The following CYREN variants were observed in gnomAD, a reference collection of about 807,000 sequenced individuals.
CYREN encodes cell cycle regulator of NHEJ.
A neutral mutation model predicts 9.7 loss-of-function variants in CYREN; 7 were observed. The observed-to-expected ratio is 0.72, with a 90% CI of 0.41 to 1.36. CYREN has a LOEUF of 1.36. Among genes scored for constraint, CYREN ranks in the 40% most tolerant of loss-of-function variants. CYREN has a pLI of 0.01. For missense variants in CYREN, 215 were observed against 198.1 expected, an observed-to-expected ratio of 1.09 and a Z score of -0.51; for synonymous variants, 76 against 77.9, an observed-to-expected ratio of 0.98 and a Z score of 0.13.
At chr7:135,102,541 C>G (rs988420218) in intron 2 of CYREN, among the ~76,000 whole-genome samples, 4 of 151,886 alleles carry the variant, frequency 2.6e-5, no homozygotes, top group African/African-American at 9.7e-5. Flanking sequence ...GTGGCTATGA[C>G]AAGCCAGTAG....
intron 2 of CYREN, chr7:135,115,567 A>G: frequency 6.4e-7 from 1 of 1,551,358 alleles, no homozygotes; most frequent in Non-Finnish European, 8.7e-7. Context: ...CCACTCAGAT[A>G]AAACAGCTAT....
chr7:135,137,880 C>T (rs1829382438), intron 2 of CYREN, among the ~76,000 whole-genome samples: 2 of 152,010 alleles, frequency 1.3e-5, no homozygotes, highest in African/African-American at 4.8e-5. Context: ...GTTGTATCCT[C>T]GCATGGTAGG....
rs749105407 is a variant in CYREN at position 135,135,193 on chromosome 7, A to G, written n.356+33556T>C. ...TACAGCCCTCCATCTAACTAAAAAT[A>G]AGGATGAGCAGGCCAATAAGAATGA... On this transcript the variant is annotated intron_variant and non_coding_transcript_variant, in intron 2 of 2. Transcript: ENST00000459937. The G allele has an allele frequency of 3.3e-5, 51 of 1,548,348 alleles. No individual in the cohort carries two copies. Among genetic ancestry groups the G allele is most frequent in the South Asian group, 2.0e-4 (17 of 83,760 alleles).
chr7:135,144,819 G>C (rs1240276311), intron 2 of CYREN, among the ~76,000 whole-genome samples: 4 of 150,864 alleles, frequency 2.7e-5, no homozygotes, highest in African/African-American at 9.7e-5. Flanking sequence ...TGTAGTCCTA[G>C]CTACTTAGGA....
At chr7:135,168,520 T>A (rs1039458403) in intron 2 of CYREN, 1 of 498,658 alleles carries the variant, frequency 2.0e-6, no homozygotes, top group East Asian at 3.3e-5. Flanking sequence ...CATCAGAGAC[T>A]GGCTGACATG....
chr7:135,136,138 G>A (rs140024587), intron 2 of CYREN, among the ~76,000 whole-genome samples: 10 of 152,130 alleles, frequency 6.6e-5, no homozygotes, highest in African/African-American at 2.2e-4. Flanking sequence ...ACAGAATCAA[G>A]CAGCCTTGAG....
chr7:135,102,645 C>G (rs546158751), intron 2 of CYREN, among the ~76,000 whole-genome samples: 15 of 146,852 alleles, frequency 1.0e-4, no homozygotes, highest in Non-Finnish European at 2.2e-4. Context: ...TTTCATTGCT[C>G]TAATGCTTGG....
At chr7:135,144,955 A>AAAAAAAAAAAAAAAAAAAAAAAAAAAAAG in intron 2 of CYREN, among the ~76,000 whole-genome samples, 1 of 147,582 alleles carries the variant, frequency 6.8e-6, no homozygotes, top group African/African-American at 2.5e-5. Flanking sequence ...AAAAAAAAAA[A>AAAAAAAAAAAAAAAAAAAAAAAAAAAAAG]AAAAAAAAAA....
At chr7:135,133,067 G>GCACA (rs55861736) in intron 2 of CYREN, among the ~76,000 whole-genome samples, 93 of 150,430 alleles carry the variant, frequency 6.2e-4, no homozygotes, top group Middle Eastern at 3.4e-3. Context: ...ACGCATGCGT[G>GCACA]CACACACACA....
intron 2 of CYREN, among the ~76,000 whole-genome samples, chr7:135,105,276 G>T (rs1251164611): frequency 6.6e-6 from 1 of 152,034 alleles, no homozygotes; most frequent in Non-Finnish European, 1.5e-5. Context: ...CACCATGTTG[G>T]CCAGGCTGGT....
chr7:135,158,524 G>A (rs1316027701), intron 2 of CYREN, among the ~76,000 whole-genome samples: 3 of 152,198 alleles, frequency 2.0e-5, no homozygotes, highest in African/African-American at 7.2e-5. Context: ...AGGGCAGGGG[G>A]TCTTGTCCTA....
intron 2 of CYREN, among the ~76,000 whole-genome samples, chr7:135,131,166 C>T (rs1010461975): frequency 3.9e-5 from 6 of 151,952 alleles, no homozygotes; most frequent in African/African-American, 1.2e-4. Flanking sequence ...TTTCCAGGGA[C>T]GTGGATGAAG....
intron 2 of CYREN, among the ~76,000 whole-genome samples, chr7:135,139,126 G>A (rs1391030849): frequency 6.6e-6 from 1 of 151,946 alleles, no homozygotes; most frequent in African/African-American, 2.4e-5. Flanking sequence ...GGGATTGCTG[G>A]GTCAGATGAT....
intron 2 of CYREN, chr7:135,128,917 T>G (rs1828333909): frequency 6.6e-7 from 1 of 1,505,260 alleles, no homozygotes; most frequent in South Asian, 1.1e-5. Context: ...AATAGTAATT[T>G]GTTCCTGTGC....
chr7:135,165,060 G>A (rs945624202), downstream of CYREN: 24 of 1,498,066 alleles, frequency 1.6e-5, no homozygotes, highest in South Asian at 2.3e-4. Context: ...CATCTGCTCA[G>A]CCATCTCATT....
intron 2 of CYREN, among the ~76,000 whole-genome samples, chr7:135,158,119 G>A: frequency 6.6e-6 from 1 of 152,162 alleles, no homozygotes; most frequent in East Asian, 1.9e-4. Context: ...AAGAAGGTGG[G>A]GCACAGCCCA....
At chr7:135,156,773 T>G (rs879880811) in intron 2 of CYREN, among the ~76,000 whole-genome samples, 1 of 152,216 alleles carries the variant, frequency 6.6e-6, no homozygotes, top group African/African-American at 2.4e-5. Flanking sequence ...TGATGATTGT[T>G]ACGGTTTGAC....
intron 2 of CYREN, among the ~76,000 whole-genome samples, chr7:135,116,576 C>T (rs969653508): frequency 7.9e-5 from 12 of 152,282 alleles, no homozygotes; most frequent in African/African-American, 2.9e-4. Flanking sequence ...CTCGGCTCCC[C>T]ATTTGGTTTC....
intron 2 of CYREN, among the ~76,000 whole-genome samples, chr7:135,102,108 T>C (rs1046604316): frequency 2.6e-5 from 4 of 152,222 alleles, no homozygotes; most frequent in Non-Finnish European, 4.4e-5. Flanking sequence ...GTCTGGAGAA[T>C]GTCTTTATCA....
Sources: gnomAD v4.1 joint callset for allele counts (sites outside exome capture counted in the v4.1 genomes callset) on GRCh38, gnomAD v4.1.1 for gene constraint, MANE v1.5 for transcripts, NCBI Gene and HGNC (gene_info 2026-07-23, HGNC 2026-07-21) for gene names.